Variants in AGRN observed in about 807,000 individuals in gnomAD.
AGRN encodes agrin proteoglycan.
In AGRN, 106 loss-of-function variants were observed where a neutral mutation model predicts 211.0. The observed-to-expected ratio is 0.50, with a 90% CI of 0.43 to 0.59. The LOEUF is 0.59. Ranked by LOEUF, AGRN falls within the 20% of genes least tolerant of loss-of-function variation. The pLI is 0.00. For missense variants in AGRN, 3,040 were observed against 2,982.6 expected (o/e 1.02, Z -0.45); for synonymous variants, 1,525 against 1,332.5 (o/e 1.14, Z -3.15).
At chr1:1,045,627 C>A (rs538246487) in intron 14 of AGRN, 104 bp downstream of exon 14, 1 of 1,606,686 alleles carries the variant, frequency 6.2e-7, no homozygotes, top group Non-Finnish European at 8.5e-7. Flanking sequence ...CTGACCCACA[C>A]CTGGCTGGGG....
In AGRN at chr1:1,041,981, C is replaced by T; in HGVS notation, c.1203C>T (p.Phe401=). The T allele has an allele frequency of 6.2e-7, 1 of 1,611,872 alleles. No individual in the cohort carries two copies. Residue 401 remains phenylalanine, a synonymous_variant, in exon 7 of 36, where the codon TTC becomes TTT. Coordinates refer to ENST00000379370, the MANE Select transcript of AGRN (RefSeq NM_198576.4). ...ACCAGTGCCCGGAGCCCTGCCGGTT[C>T]AATGCCGTGTGCCTGTCCCGCCGTG... ...GRDQCPEPCR[F]NAVCLSRRGR...
Position 1,041,354 on chromosome 1 carries a change from C to T in AGRN, c.909C>T (p.Cys303=), listed in dbSNP as rs1192691750. ...AGTGCCAGCTCCTGCGCCGCGCCTG[C>T]GCCCGCCAGGAGAATGTCTTCAAGA... The part of the protein sequence containing the change: ...PGECQLLRRA[C]ARQENVFKKF... The change falls in exon 5 of 36, where the codon TGC becomes TGT. Residue 303 remains cysteine, a synonymous_variant. Transcript: ENST00000379370. The T allele has an allele frequency of 3.3e-6, 5 of 1,530,960 alleles. No individual in the cohort carries two copies. The highest frequency in any genetic ancestry group is 4.9e-5 in the East Asian group (2 of 41,234). 94.8% of individuals were successfully genotyped at this position (1,530,960 alleles called of 1,614,324 possible).
At position 1,031,556 on chromosome 1, in the gene AGRN, C is replaced by T. The variant is rs1480547624; in HGVS notation, c.464-3721C>T. ...GGGGCCAGGCTGCCTGCCTGGTTCC[C>T]CTTCCCCTGGCCCAGCCCAAGGGGC... On this transcript the variant is annotated intron_variant, in intron 2 of 35. Transcript: ENST00000379370. This position sits in a 1 kb window ranked among gnomAD's most constrained non-coding sequence, Gnocchi z 4.8. Among the ~76,000 whole-genome samples, 3 of 152,146 alleles carry T rather than the reference C, an allele frequency of 2.0e-5. No homozygotes were observed. The highest frequency in any genetic ancestry group is 7.2e-5 in the African/African-American group (3 of 41,426).
rs769221335 is a variant in AGRN at position 1,047,912 on chromosome 1, G to C, written c.3751+17G>C. 1.9e-6 allele frequency: 3 copies of C among 1,603,734 alleles called. No individual in the cohort carries two copies. The highest frequency in any genetic ancestry group is 2.6e-6 in the Non-Finnish European group (3 of 1,176,066). The stretch of plus-strand genomic sequence containing the variant: ...TGGACTTTGGTGAGCGCCAGGCCAC[G>C]AGCCACAGCTTACCTGCCCCCTCCT... On this transcript the variant is annotated intron_variant, in intron 22 of 35. Transcript: ENST00000379370.
At chr1:1,053,448 T>G (rs1645366096) in intron 33 of AGRN, 2 of 1,449,612 alleles carry the variant, frequency 1.4e-6, no homozygotes, top group African/African-American at 2.8e-5. Context: ...CTCCCTCTCT[T>G]CCTGCTTCTA....
intron 2 of AGRN, chr1:1,034,741 C>T: frequency 2.0e-6 from 2 of 1,009,518 alleles, no homozygotes; most frequent in Non-Finnish European, 2.4e-6. Context: ...CTGGCCAAGC[C>T]CCAACCCCGA....
In AGRN at chr1:1,049,407, C is replaced by T. The variant is rs547462192; in HGVS notation, c.4470C>T (p.Asp1490=). The T allele has an allele frequency of 2.0e-4, 322 of 1,599,138 alleles. 1 individual carries two copies. The South Asian group carries it at 2.5e-3, about 12-fold the overall frequency. ...SPSGTDGLNL[D]TDLFVGGVPE... is the part of the protein sequence containing the mutation. Reference sequence around the variant, plus strand: ...GTGGCACCGACGGCCTCAACCTGGACACAGACCTCTTTGTGGGCGGCGTAC... The same window carrying T: ...GTGGCACCGACGGCCTCAACCTGGATACAGACCTCTTTGTGGGCGGCGTAC... The change falls in exon 25 of 36, where the codon GAC becomes GAT. Residue 1490 remains aspartate, a synonymous_variant. Coordinates refer to ENST00000379370, the MANE Select transcript of AGRN (RefSeq NM_198576.4).
chr1:1,043,743 C>A lies in AGRN; in HGVS notation c.1798+11C>A, dbSNP rs2100646245. 6.2e-7 allele frequency: 1 copy of A among 1,601,704 alleles called. No homozygotes were observed. The highest frequency in any genetic ancestry group is 8.5e-7 in the Non-Finnish European group (1 of 1,179,748). ...CAGCTGGACCCTGTGGTGAGTGAGGCCCTGGGGCCGGGCGGGCCAGGGTCC... is the reference window on the plus strand; with the variant it reads ...CAGCTGGACCCTGTGGTGAGTGAGGACCTGGGGCCGGGCGGGCCAGGGTCC... On this transcript the variant is annotated intron_variant, in intron 9 of 35. Coordinates refer to ENST00000379370, the MANE Select transcript of AGRN (RefSeq NM_198576.4).
chr1:1,053,460 G>A (rs756313661), intron 33 of AGRN: 1 of 1,469,668 alleles, frequency 6.8e-7, no homozygotes, highest in South Asian at 1.2e-5. Context: ...CTGCTTCTAA[G>A]CCCCGAAACT....
chr1:1,055,146 G>C lies in AGRN; in HGVS notation c.*165G>C, dbSNP rs1456845231. On this transcript the variant is annotated 3_prime_UTR_variant, in exon 36 of 36. Coordinates refer to ENST00000379370, the MANE Select transcript of AGRN (RefSeq NM_198576.4). ...CAGACAGACCTAGTGCCGAGGGATG[G>C]ACAGGCGAGGTGGCAGCGTGGAGGG... is the stretch of plus-strand genomic sequence containing the variant. 8.8e-7 allele frequency: 1 copy of C among 1,142,688 alleles called. No individual in the cohort carries two copies. The highest frequency in any genetic ancestry group is 1.2e-6 in the Non-Finnish European group (1 of 801,554). 70.8% of individuals were successfully genotyped at this position (1,142,688 alleles called of 1,614,324 possible). A position where few individuals can be genotyped will look rare whatever the true frequency, so the allele number is the denominator to read the frequency against.
chr1:1,039,571 G>A (rs577657639), intron 3 of AGRN, among the ~76,000 whole-genome samples: 3 of 152,186 alleles, frequency 2.0e-5, no homozygotes, highest in African/African-American at 4.8e-5. Flanking sequence ...ATCCTGGGTG[G>A]GCCATGCTGG....
At chr1:1,022,873 G>A (rs1001407320) in intron 2 of AGRN, among the ~76,000 whole-genome samples, 13 of 152,146 alleles carry the variant, frequency 8.5e-5, no homozygotes, top group Admixed American at 5.9e-4. Flanking sequence ...CGTGGAGATC[G>A]GGCGGGAGGG....
chr1:1,045,203 G>A lies in AGRN; in HGVS notation c.2297G>A (p.Cys766Tyr). The A allele has an allele frequency of 1.2e-6, 2 of 1,612,696 alleles. No homozygotes were observed. The highest frequency in any genetic ancestry group is 1.7e-6 in the Non-Finnish European group (2 of 1,179,966). The change falls in exon 13 of 36, where the codon TGT becomes TAT. Residue 766 changes from cysteine (C) to tyrosine (Y), a missense_variant. Physicochemically the swap from Cys to Tyr is radical, Grantham distance 194. Coordinates refer to ENST00000379370, the MANE Select transcript of AGRN (RefSeq NM_198576.4). ...APLPPVAPLH[C>Y]AQTPYGCCQD... ...CTGCCGCCTGTGGCCCCCTTACACT[G>A]TGCCCAGACGCCCTACGGCTGCTGC...
At position 1,042,098 on chromosome 1, in the gene AGRN, C is replaced by T. The variant is rs1324959710; in HGVS notation, c.1320C>T (p.Cys440=). 2 of 1,603,340 alleles carry T rather than the reference C, an allele frequency of 1.2e-6. No homozygotes were observed. Among genetic ancestry groups the T allele is most frequent in the Non-Finnish European group, 1.7e-6 (2 of 1,178,714 alleles). ...AQDGRTYDSD[C]WRQQAECRQQ... is the part of the protein sequence containing the mutation. Reference sequence around the variant, plus strand: ...ACGGGCGCACGTATGACAGTGATTGCTGGCGGCAGCAGGCTGAGTGCCGGC... The same window carrying T: ...ACGGGCGCACGTATGACAGTGATTGTTGGCGGCAGCAGGCTGAGTGCCGGC... The change falls in exon 7 of 36, where the codon TGC becomes TGT. Residue 440 remains cysteine, a synonymous_variant. Transcript: ENST00000379370.
rs1049937479 is a variant in AGRN at position 1,032,181 on chromosome 1, C to T, written c.464-3096C>T. Among the ~76,000 whole-genome samples the T allele has an allele frequency of 2.0e-5, 3 of 152,036 alleles. No homozygotes were observed. The highest frequency in any genetic ancestry group is 4.4e-5 in the Non-Finnish European group (3 of 68,000). ...CCTTTGACAGCTGCTCTGGATGGGA[C>T]GTGGCTTGGGGTGGGTGAGAACCCT... On this transcript the variant is annotated intron_variant, in intron 2 of 35. Coordinates refer to ENST00000379370, the MANE Select transcript of AGRN (RefSeq NM_198576.4). This position sits in a 1 kb window ranked among gnomAD's most constrained non-coding sequence, Gnocchi z 4.7.
At position 1,041,246 on chromosome 1, in the gene AGRN, G is replaced by A. The variant is rs1457899577; in HGVS notation, c.801G>A (p.Thr267=). ...STCARSADGL[T]ASCLCPATCR... is the part of the protein sequence containing the mutation. ...GTGCGCGCTCGGCCGACGGGCTGAC[G>A]GCCTCGTGCCTGTGCCCCGCGACCT... Residue 267 remains threonine (T), a synonymous_variant, in exon 5 of 36, where the codon ACG becomes ACA. Coordinates refer to ENST00000379370, the MANE Select transcript of AGRN (RefSeq NM_198576.4). The A allele has an allele frequency of 1.3e-6, 2 of 1,490,894 alleles. No homozygotes were observed. The highest frequency in any genetic ancestry group is 2.2e-5 in the Admixed American group (1 of 45,540). The allele number at this position is 1,490,894 out of a possible 1,614,324, so 92.4% of individuals were successfully genotyped here. A position where few individuals can be genotyped will look rare whatever the true frequency, so the allele number is the denominator to read the frequency against.
intron 10 of AGRN, 43 bp downstream of exon 10, chr1:1,044,066 T>C (rs759100774): frequency 6.2e-7 from 1 of 1,612,806 alleles, no homozygotes; most frequent in Non-Finnish European, 8.5e-7. Flanking sequence ...GCTCTGGCTT[T>C]GGACAAGAAG....
rs1570171124 is a variant in AGRN, at chr1:1,034,928, G to A, written c.464-349G>A. ...AACACTTTCTGCGGGAGCTGGGGAGGGAGGGGCAGCCGGCTACACTGAGAG... is the reference window on the plus strand; with the variant it reads ...AACACTTTCTGCGGGAGCTGGGGAGAGAGGGGCAGCCGGCTACACTGAGAG... On this transcript the variant is annotated intron_variant, in intron 2 of 35. Coordinates refer to ENST00000379370, the MANE Select transcript of AGRN (RefSeq NM_198576.4). The A allele has an allele frequency of 1.7e-5, 7 of 423,952 alleles. No homozygotes were observed. In the East Asian group the frequency reaches 2.8e-4, roughly 17 times the overall value. The allele number at this position is 423,952 out of a possible 1,614,324, so 26.3% of individuals were successfully genotyped here.
At chr1:1,038,218 ACT>A (rs1452599531) in intron 3 of AGRN, among the ~76,000 whole-genome samples, 3 of 151,856 alleles carry the variant, frequency 2.0e-5, no homozygotes, top group Non-Finnish European at 4.4e-5. Flanking sequence ...AGAGGAGCGG[ACT>A]CTCTGAGGCC....
Sources: gnomAD v4.1 joint callset for allele counts (sites outside exome capture counted in the v4.1 genomes callset) on GRCh38, gnomAD v4.1.1 for gene constraint, Gnocchi (gnomAD v3.1) non-coding constraint, MANE v1.5 for transcripts, NCBI Gene and HGNC (gene_info 2026-07-23, HGNC 2026-07-21) for gene names.